Variants in CTNNA3 observed in about 807,000 individuals in gnomAD.
CTNNA3 encodes the protein catenin alpha 3.
Under a neutral mutation model 95.7 loss-of-function variants are expected in CTNNA3, and 76 were observed. That is an observed-to-expected ratio of 0.79 (90% CI 0.66 to 0.96). The LOEUF (loss-of-function observed/expected upper bound fraction) is 0.96. Ranked by LOEUF, CTNNA3 falls within the 40% of genes least tolerant of loss-of-function variation. CTNNA3 has a pLI of 0.00. For synonymous variants in CTNNA3, 431 were observed against 374.4 expected (o/e 1.15, Z -1.74); for missense variants, 1,191 against 1,089.8 (o/e 1.09, Z -1.31).
intron 9 of CTNNA3, among the ~76,000 whole-genome samples, chr10:66,728,375 T>C (rs534726998): frequency 6.6e-5 from 10 of 152,326 alleles, no homozygotes; most frequent in East Asian, 1.9e-4. Flanking sequence ...TCCCATTCTA[T>C]AGGTTATCTG....
intron 9 of CTNNA3, among the ~76,000 whole-genome samples, chr10:66,622,995 T>C (rs1844803872): frequency 6.6e-6 from 1 of 152,160 alleles, no homozygotes; most frequent in Admixed American, 6.6e-5. Context: ...TTTATTAATG[T>C]ACATGGGGAT....
At chr10:66,547,980 A>G (rs977303409) in intron 10 of CTNNA3, among the ~76,000 whole-genome samples, 1 of 151,104 alleles carries the variant, frequency 6.6e-6, no homozygotes, top group African/African-American at 2.4e-5. Context: ...CAATGGTGCA[A>G]TCTTGGCTCA....
rs150723844 is a variant in CTNNA3, at chr10:66,860,752, T to C, written c.1048-85228A>G. On this transcript the variant is annotated intron_variant, in intron 7 of 17. Transcript: ENST00000433211. ...ATTATTTGTTTACACTGAGAGTACA[T>C]GAAATTTTTATAGGCACAATCTAGG... Among the ~76,000 whole-genome samples the C allele has an allele frequency of 9.5e-3, 1,451 of 152,306 alleles. 20 individuals carry two copies. Among genetic ancestry groups the C allele is most frequent in the African/African-American group, 0.033 (1,373 of 41,580 alleles).
chr10:66,070,993 G>C (rs979684171), intron 14 of CTNNA3, among the ~76,000 whole-genome samples: 9 of 152,116 alleles, frequency 5.9e-5, no homozygotes, highest in Non-Finnish European at 1.2e-4. Flanking sequence ...AACAATAGCA[G>C]CAACAAAACA....
chr10:67,300,369 A>G (rs567007529), intron 5 of CTNNA3, among the ~76,000 whole-genome samples: 2 of 152,294 alleles, frequency 1.3e-5, no homozygotes, highest in Admixed American at 1.3e-4. Context: ...GGCATAACCT[A>G]CAGTCATCTC....
At chr10:67,352,015 T>TAGGTAAA (rs1265073853) in intron 5 of CTNNA3, among the ~76,000 whole-genome samples, 1 of 152,048 alleles carries the variant, frequency 6.6e-6, no homozygotes, top group Non-Finnish European at 1.5e-5. Flanking sequence ...TGCCAAGCAC[T>TAGGTAAA]GTGCTAGGCA....
intron 12 of CTNNA3, among the ~76,000 whole-genome samples, chr10:66,361,397 CCTTCCA>C (rs1465371693): frequency 2.1e-5 from 3 of 144,326 alleles, no homozygotes; most frequent in Admixed American, 7.2e-5. Flanking sequence ...TTCCTTCTTC[CCTTCCA>C]CTTCCACTTC....
At chr10:67,168,798 AAG>A (rs2132108075) in intron 7 of CTNNA3, among the ~76,000 whole-genome samples, 2 of 152,328 alleles carry the variant, frequency 1.3e-5, no homozygotes, top group East Asian at 3.9e-4. Flanking sequence ...ACGCAAGAGA[AAG>A]AAATAAAGGG....
chr10:66,251,107 C>T (rs957575136), intron 13 of CTNNA3, among the ~76,000 whole-genome samples: 2 of 152,100 alleles, frequency 1.3e-5, no homozygotes, highest in African/African-American at 2.4e-5. Flanking sequence ...GATCCATGCA[C>T]CAGGAACCTC....
intron 12 of CTNNA3, among the ~76,000 whole-genome samples, chr10:66,346,201 ATG>A (rs1564885101): frequency 6.9e-5 from 10 of 145,678 alleles, no homozygotes; most frequent in African/African-American, 2.0e-4. Flanking sequence ...AATAGTAAGT[ATG>A]TGTGTGTGTA....
intron 1 of CTNNA3, among the ~76,000 whole-genome samples, chr10:67,713,168 C>T (rs915320667): frequency 6.6e-6 from 1 of 152,126 alleles, no homozygotes; most frequent in African/African-American, 2.4e-5. Flanking sequence ...ATGCAGCCAA[C>T]AAACAAATGA....
intron 2 of CTNNA3, among the ~76,000 whole-genome samples, chr10:67,614,599 A>G (rs946362923): frequency 6.6e-6 from 1 of 152,156 alleles, no homozygotes; most frequent in African/African-American, 2.4e-5. Flanking sequence ...TCAGGCAGTA[A>G]TGCAAGCGAT....
At chr10:66,340,781 C>T (rs1284656065) in intron 12 of CTNNA3, among the ~76,000 whole-genome samples, 1 of 151,626 alleles carries the variant, frequency 6.6e-6, no homozygotes, top group African/African-American at 2.4e-5. Context: ...ATTCTTACCC[C>T]TGTTTAATAG....
intron 3 of CTNNA3, among the ~76,000 whole-genome samples, chr10:67,570,452 T>C (rs1841942066): frequency 6.6e-6 from 1 of 152,152 alleles, no homozygotes; most frequent in Admixed American, 6.6e-5. Context: ...CATTAATACA[T>C]AGATAATCAT....
chr10:66,617,769 C>T (rs11817280), intron 10 of CTNNA3, among the ~76,000 whole-genome samples: 61,639 of 151,050 alleles, frequency 0.41, 12,762 homozygotes, highest in Middle Eastern at 0.54. Context: ...GGAAGTCAAA[C>T]TGTCCCTGTT....
At chr10:67,502,515 G>A (rs1202827879) in intron 5 of CTNNA3, among the ~76,000 whole-genome samples, 1 of 152,208 alleles carries the variant, frequency 6.6e-6, no homozygotes, top group Non-Finnish European at 1.5e-5. Flanking sequence ...GAGAGCTGCT[G>A]CTCTCTTCAG....
chr10:66,253,761 G>A (rs879349493), intron 13 of CTNNA3, among the ~76,000 whole-genome samples: 3 of 151,946 alleles, frequency 2.0e-5, no homozygotes, highest in Non-Finnish European at 4.4e-5. Context: ...TGGATGGGTG[G>A]GAAGTTAATA....
chr10:66,780,309 A>G (rs1220169893), intron 7 of CTNNA3, among the ~76,000 whole-genome samples: 1 of 152,138 alleles, frequency 6.6e-6, no homozygotes, highest in African/African-American at 2.4e-5. Flanking sequence ...GAAGCATTAA[A>G]TGGTCACAGT....
At chr10:65,977,714 G>A (rs534678660) in intron 16 of CTNNA3, among the ~76,000 whole-genome samples, 4 of 151,964 alleles carry the variant, frequency 2.6e-5, no homozygotes, top group Admixed American at 1.3e-4. Flanking sequence ...CCTGGGAGGC[G>A]GAGGTGCAGT....
Sources: gnomAD v4.1 joint callset for allele counts (sites outside exome capture counted in the v4.1 genomes callset) on GRCh38, gnomAD v4.1.1 for gene constraint, MANE v1.5 for transcripts, NCBI Gene and HGNC (gene_info 2026-07-23, HGNC 2026-07-21) for gene names.